Variants in HSPA2 observed in about 807,000 individuals in gnomAD.
HSPA2 encodes heat shock-related 70 kDa protein 2.
Under a neutral mutation model 35.0 loss-of-function variants are expected in HSPA2, and 13 were observed. The observed-to-expected ratio is 0.37, with a 90% CI of 0.24 to 0.59. The LOEUF is 0.59. Ranked by LOEUF, HSPA2 falls within the 20% of genes least tolerant of loss-of-function variation. The probability of loss-of-function intolerance (pLI) is 0.70; values close to 1 mark genes in which losing one functional copy is unlikely to be tolerated. For missense variants in HSPA2, 565 were observed against 885.4 expected (o/e 0.64, Z 4.59); for synonymous variants, 368 against 382.1 (o/e 0.96, Z 0.43).
chr14:64,538,097 A>G (rs1049138087), upstream of HSPA2, among the ~76,000 whole-genome samples: 1 of 152,228 alleles, frequency 6.6e-6, no homozygotes, highest in African/African-American at 2.4e-5. Context: ...GATAGGAATT[A>G]TGGTTAAAAT....
At position 64,542,052 on chromosome 14, in the gene HSPA2, G is replaced by A. The variant is rs201877299; in HGVS notation, c.1203G>A (p.Pro401=). ...ACCTGCTGCTACTCGACGTGACCCCGTTGTCGCTGGGCATCGAGACAGCTG... is the reference window on the plus strand; with the variant it reads ...ACCTGCTGCTACTCGACGTGACCCCATTGTCGCTGGGCATCGAGACAGCTG... ...VQDLLLLDVT[P]LSLGIETAGG... Residue 401 remains proline, a synonymous_variant, in exon 1 of 1, where the codon CCG becomes CCA. Coordinates refer to ENST00000247207, the MANE Select transcript of HSPA2 (RefSeq NM_021979.4). This position sits in a 1 kb window ranked among gnomAD's most constrained non-coding sequence, Gnocchi z 5.7. The A allele has an allele frequency of 1.9e-5, 30 of 1,613,632 alleles. No individual in the cohort carries two copies. In the Admixed American group the frequency reaches 4.0e-4, roughly 22 times the overall value.
In HSPA2 at chr14:64,542,536, G is replaced by A. The variant is rs2080042137; in HGVS notation, c.1687G>A (p.Gly563Ser). 2 of 1,613,400 alleles carry A rather than the reference G, an allele frequency of 1.2e-6. No individual in the cohort carries two copies. Among genetic ancestry groups the A allele is most frequent in the Non-Finnish European group, 1.7e-6 (2 of 1,179,950 alleles). ...GACGGTGGAAGACGAGAAACTGAGG[G>A]GCAAGATTAGCGAGCAGGACAAAAA... The part of the protein sequence containing the change: ...KQTVEDEKLR[G>S]KISEQDKNKI... Residue 563 changes from glycine to serine, a missense_variant, in exon 1 of 1, where the codon GGC becomes AGC. Coordinates refer to ENST00000247207, the MANE Select transcript of HSPA2 (RefSeq NM_021979.4). The surrounding 1 kb of genome is among the most constrained non-coding windows in gnomAD (Gnocchi z 5.7).
Position 64,542,343 on chromosome 14 carries a change from C to T in HSPA2, c.1494C>T (p.Thr498=), listed in dbSNP as rs1160361307. 1 of 1,613,740 alleles carries T rather than the reference C, an allele frequency of 6.2e-7. No homozygotes were observed. The highest frequency in any genetic ancestry group is 8.5e-7 in the Non-Finnish European group (1 of 1,179,910). Residue 498 remains threonine, a synonymous_variant, in exon 1 of 1, where the codon ACC becomes ACT. Coordinates refer to ENST00000247207, the MANE Select transcript of HSPA2 (RefSeq NM_021979.4). This position sits in a 1 kb window ranked among gnomAD's most constrained non-coding sequence, Gnocchi z 5.7. ...ACGTTACCGCCGCCGACAAGAGCAC[C>T]GGTAAGGAAAACAAAATCACCATCA... ...ILNVTAADKS[T]GKENKITITN...
Position 64,541,112 on chromosome 14 carries a change from T to C in HSPA2, c.263T>C (p.Met88Thr), listed in dbSNP as rs2080026304. The C allele has an allele frequency of 1.9e-6, 3 of 1,614,146 alleles. No individual in the cohort carries two copies. The highest frequency in any genetic ancestry group is 8.5e-7 in the Non-Finnish European group (1 of 1,180,026). Residue 88 changes from methionine to threonine, a missense_variant, in exon 1 of 1, where the codon ATG becomes ACG. By Grantham distance (81) the Met-to-Thr change is moderately conservative. Coordinates refer to ENST00000247207, the MANE Select transcript of HSPA2 (RefSeq NM_021979.4). Reference protein sequence around the residue: ...KFEDATVQSDMKHWPFRVVSE... With the variant: ...KFEDATVQSDTKHWPFRVVSE... ...GAGGATGCCACAGTGCAGTCGGATA[T>C]GAAACACTGGCCGTTCCGGGTGGTG...
chr14:64,541,653 C>G lies in HSPA2; in HGVS notation c.804C>G (p.Thr268=), dbSNP rs574072950. The G allele has an allele frequency of 9.3e-6, 15 of 1,611,482 alleles. No individual in the cohort carries two copies. The African/African-American group carries it at 1.9e-4, about 20-fold the overall frequency. Residue 268 remains threonine (T), a synonymous_variant, in exon 1 of 1, where the codon ACC becomes ACG. Coordinates refer to ENST00000247207, the MANE Select transcript of HSPA2 (RefSeq NM_021979.4). The stretch of plus-strand genomic sequence containing the variant: ...AGCGCGCCGTGAGGCGGCTGCGCAC[C>G]GCTTGCGAGCGCGCCAAGCGCACCC... ...PNKRAVRRLR[T]ACERAKRTLS...
At chr14:64,536,619 G>A (rs1431223634), upstream of HSPA2, among the ~76,000 whole-genome samples, 2 of 152,128 alleles carry the variant, frequency 1.3e-5, no homozygotes, top group Non-Finnish European at 2.9e-5. Flanking sequence ...AATTAGCCGG[G>A]CTTGGTGGTG....
Position 64,542,827 on chromosome 14 carries a change from T to C in HSPA2, c.*58T>C. The C allele has an allele frequency of 7.2e-7, 1 of 1,380,262 alleles. No homozygotes were observed. The highest frequency in any genetic ancestry group is 2.5e-5 in the East Asian group (1 of 39,552). 85.5% of individuals were successfully genotyped at this position (1,380,262 alleles called of 1,614,324 possible). A position where few individuals can be genotyped will look rare whatever the true frequency, so the allele number is the denominator to read the frequency against. ...CTTTCTCTCTCTCTCTTTTTTTTTG[T>C]TTGTTTCTTTGAAATGTCCTTGTGC... On this transcript the variant is annotated 3_prime_UTR_variant, in exon 1 of 1. Coordinates refer to ENST00000247207, the MANE Select transcript of HSPA2 (RefSeq NM_021979.4). The surrounding 1 kb of genome is among the most constrained non-coding windows in gnomAD (Gnocchi z 5.7).
upstream of HSPA2, chr14:64,540,385 T>TG (rs1317241874): frequency 1.1e-4 from 24 of 221,158 alleles, no homozygotes; most frequent in Non-Finnish European, 1.8e-5. Context: ...CCGCGTGCCC[T>TG]GCCAATCCGA....
Position 64,542,814 on chromosome 14 carries a change from CTCT to C in HSPA2, c.*47_*49del, listed in dbSNP as rs1246791640. The C allele has an allele frequency of 2.8e-6, 4 of 1,441,646 alleles. No homozygotes were observed. In the African/African-American group the frequency reaches 4.9e-5, roughly 18 times the overall value. The allele number at this position is 1,441,646 out of a possible 1,614,324, so 89.3% of individuals were successfully genotyped here. On this transcript the variant is annotated 3_prime_UTR_variant, in exon 1 of 1. Coordinates refer to ENST00000247207, the MANE Select transcript of HSPA2 (RefSeq NM_021979.4). The surrounding 1 kb of genome is among the most constrained non-coding windows in gnomAD (Gnocchi z 5.7). ...TAAACCTCTTTGCCTTTCTCTCTCT[CTCT>C]TTTTTTTTGTTTGTTTCTTTGAAAT...
At chr14:64,538,536 CTT>C (rs1327269038), upstream of HSPA2, among the ~76,000 whole-genome samples, 2 of 152,244 alleles carry the variant, frequency 1.3e-5, no homozygotes, top group Non-Finnish European at 2.9e-5. Flanking sequence ...CTTTCCTACT[CTT>C]TGCTGGCGAA....
At chr14:64,538,433 T>A (rs929617866), upstream of HSPA2, among the ~76,000 whole-genome samples, 7 of 152,154 alleles carry the variant, frequency 4.6e-5, no homozygotes, top group Admixed American at 2.0e-4. Context: ...CCTGTATCCC[T>A]CCCTTCTAGT....
In HSPA2 at chr14:64,542,516, T is replaced by C; in HGVS notation, c.1667T>C (p.Val556Ala). 1.9e-6 allele frequency: 3 copies of C among 1,613,070 alleles called. No individual in the cohort carries two copies. Among genetic ancestry groups the C allele is most frequent in the Non-Finnish European group, 2.5e-6 (3 of 1,179,922 alleles). The change falls in exon 1 of 1, where the codon GTG becomes GCG. Residue 556 changes from valine (V) to alanine (A), a missense_variant. Around this residue, in one of 4 missense-constraint regions of HSPA2, gnomAD observed 147 missense variants for 166.7 expected, o/e 0.88. Coordinates refer to ENST00000247207, the MANE Select transcript of HSPA2 (RefSeq NM_021979.4). The surrounding 1 kb of genome is among the most constrained non-coding windows in gnomAD (Gnocchi z 5.7). ...TATACCTACAACATCAAGCAGACGG[T>C]GGAAGACGAGAAACTGAGGGGCAAG... is the stretch of plus-strand genomic sequence containing the variant. ...ESYTYNIKQT[V>A]EDEKLRGKIS...
Position 64,541,858 on chromosome 14 carries a change from A to C in HSPA2, c.1009A>C (p.Ile337Leu). Residue 337 changes from isoleucine (I) to leucine (L), a missense_variant, in exon 1 of 1, where the codon ATC becomes CTC. Coordinates refer to ENST00000247207, the MANE Select transcript of HSPA2 (RefSeq NM_021979.4). ...AKLDKGQIQE[I>L]VLVGGSTRIP... ...GCTGGACAAGGGCCAGATCCAGGAG[A>C]TCGTGCTGGTGGGCGGCTCCACTCG... The C allele has an allele frequency of 6.2e-7, 1 of 1,613,544 alleles. No homozygotes were observed. The highest frequency in any genetic ancestry group is 8.5e-7 in the Non-Finnish European group (1 of 1,180,016).
At position 64,543,048 on chromosome 14, in the gene HSPA2, G is replaced by GC; in HGVS notation, c.*279_*280insC. ...GTGCATGGAGATTTGTTTGAGATGA[G>GC]AAACCTTAAGTTTGCACACCTGTTC... On this transcript the variant is annotated 3_prime_UTR_variant, in exon 1 of 1. Transcript: ENST00000247207. 1.9e-6 allele frequency: 1 copy of GC among 521,422 alleles called. No individual in the cohort carries two copies. The highest frequency in any genetic ancestry group is 3.4e-6 in the Non-Finnish European group (1 of 289,978). 32.3% of individuals were successfully genotyped at this position (521,422 alleles called of 1,614,324 possible).
Position 64,541,461 on chromosome 14 carries a change from C to T in HSPA2, c.612C>T (p.Gly204=). Residue 204 remains glycine (G), a synonymous_variant, in exon 1 of 1, where the codon GGC becomes GGT. Transcript: ENST00000247207. ...AGAACGTGCTCATCTTTGACCTGGG[C>T]GGTGGCACTTTCGACGTGTCCATCC... is the stretch of plus-strand genomic sequence containing the variant. The part of the protein sequence containing the change: ...GEKNVLIFDL[G]GGTFDVSILT... The T allele has an allele frequency of 6.2e-7, 1 of 1,613,904 alleles. No individual in the cohort carries two copies. Among genetic ancestry groups the T allele is most frequent in the Non-Finnish European group, 8.5e-7 (1 of 1,180,000 alleles).
chr14:64,536,365 A>G (rs532092639), upstream of HSPA2, among the ~76,000 whole-genome samples: 3 of 152,296 alleles, frequency 2.0e-5, no homozygotes, highest in East Asian at 3.9e-4. Context: ...CCTTTCTATT[A>G]TCATTAACAT....
chr14:64,542,784 C>T lies in HSPA2; in HGVS notation c.*15C>T. 1.3e-6 allele frequency: 2 copies of T among 1,571,768 alleles called. No individual in the cohort carries two copies. Among genetic ancestry groups the T allele is most frequent in the East Asian group, 2.3e-5 (1 of 43,284 alleles). On this transcript the variant is annotated 3_prime_UTR_variant, in exon 1 of 1. Coordinates refer to ENST00000247207, the MANE Select transcript of HSPA2 (RefSeq NM_021979.4). This position sits in a 1 kb window ranked among gnomAD's most constrained non-coding sequence, Gnocchi z 5.7. ...AAGTGGACTAAGCTTGCACTCAAGT[C>T]AGCGTAAACCTCTTTGCCTTTCTCT...
At chr14:64,539,463 A>C (rs917584090), upstream of HSPA2, among the ~76,000 whole-genome samples, 4 of 152,198 alleles carry the variant, frequency 2.6e-5, no homozygotes, top group African/African-American at 9.7e-5. Flanking sequence ...GACCTAAAAT[A>C]AGCAATGGAA....
upstream of HSPA2, among the ~76,000 whole-genome samples, chr14:64,536,892 G>A (rs2079983855): frequency 6.6e-6 from 1 of 152,198 alleles, no homozygotes; most frequent in African/African-American, 2.4e-5. Flanking sequence ...GGGTATAATT[G>A]CTACTGTGGT....
Sources: allele counts gnomAD v4.1 joint callset (sites outside exome capture counted in the v4.1 genomes callset), GRCh38; gene constraint gnomAD v4.1.1; regional missense constraint gnomAD v4.1.1; non-coding constraint Gnocchi (gnomAD v3.1); transcripts MANE v1.5; gene names NCBI Gene and HGNC (gene_info 2026-07-23, HGNC 2026-07-21).